The following DOCK3 variants were observed in gnomAD, a reference collection of about 807,000 sequenced individuals.
DOCK3 encodes the protein dedicator of cytokinesis 3.
In DOCK3, 60 loss-of-function variants were observed where a neutral mutation model predicts 265.6. The observed-to-expected ratio is 0.23, with a 90% CI of 0.18 to 0.28. The LOEUF is 0.28. DOCK3 is among the 10% of genes least tolerant of loss of function. The pLI, the probability that DOCK3 is intolerant of heterozygous loss-of-function variation, is 1.00. For synonymous variants in DOCK3, 881 were observed against 938.0 expected, an observed-to-expected ratio of 0.94 and a Z score of 1.11; for missense variants, 1,981 against 2,594.3, an observed-to-expected ratio of 0.76 and a Z score of 5.14.
At chr3:50,821,140 C>CTTTTTTTT (rs771111717) in intron 2 of DOCK3, among the ~76,000 whole-genome samples, 143 of 119,358 alleles carry the variant, frequency 1.2e-3, no homozygotes, top group African/African-American at 1.7e-3. Flanking sequence ...TTTCTTTTTT[C>CTTTTTTTT]TTTTTTTTTT....
At chr3:50,719,760 G>C in intron 1 of DOCK3, 2 of 1,052,978 alleles carry the variant, frequency 1.9e-6, no homozygotes, top group South Asian at 2.5e-5. Context: ...CTTGCCACCA[G>C]TGCCATTATG....
chr3:51,222,473 A>AT (rs1336716328), intron 14 of DOCK3, among the ~76,000 whole-genome samples: 1 of 152,208 alleles, frequency 6.6e-6, no homozygotes, highest in African/African-American at 2.4e-5. Context: ...GGAGAGCTTG[A>AT]TTGAAGTGAT....
At chr3:50,761,019 A>G (rs1043389442) in intron 1 of DOCK3, among the ~76,000 whole-genome samples, 3 of 152,088 alleles carry the variant, frequency 2.0e-5, no homozygotes, top group Non-Finnish European at 4.4e-5. Flanking sequence ...TGACCTCGTG[A>G]TCTGCCTGCC....
intron 9 of DOCK3, among the ~76,000 whole-genome samples, chr3:51,138,643 A>G (rs1209883063): frequency 6.6e-6 from 1 of 152,192 alleles, no homozygotes; most frequent in Non-Finnish European, 1.5e-5. Flanking sequence ...GTCCCTCCAA[A>G]TAGTACCCTG....
chr3:51,360,619 A>C lies in DOCK3; in HGVS notation c.4993A>C (p.Thr1665Pro). Reference protein sequence around the residue: ...SPMSPESIKMTHRHSPMNLMG... With the variant: ...SPMSPESIKMPHRHSPMNLMG... Reference sequence around the variant, plus strand: ...CATGAGTCCGGAGAGCATCAAGATGACCCACCGGCACAGGTATGGCCTTAG... The same window carrying C: ...CATGAGTCCGGAGAGCATCAAGATGCCCCACCGGCACAGGTATGGCCTTAG... Residue 1665 changes from threonine to proline, a missense_variant, in exon 47 of 53, where the codon ACC (threonine) becomes CCC (proline). This residue lies in a region of DOCK3 where 1,357 missense variants were observed against 1,866.8 expected (regional missense o/e 0.73). Transcript: ENST00000266037. 1 of 1,613,842 alleles carries C rather than the reference A, an allele frequency of 6.2e-7. No individual in the cohort carries two copies. Among genetic ancestry groups the C allele is most frequent in the Middle Eastern group, 1.7e-4 (1 of 6,060 alleles).
intron 4 of DOCK3, among the ~76,000 whole-genome samples, chr3:50,920,776 C>G (rs1464897188): frequency 6.6e-6 from 1 of 152,084 alleles, no homozygotes; most frequent in Non-Finnish European, 1.5e-5. Context: ...TTAGTTATTT[C>G]TTGCCTTCTG....
chr3:50,999,773 T>C (rs2078409658), intron 5 of DOCK3, among the ~76,000 whole-genome samples: 1 of 152,202 alleles, frequency 6.6e-6, no homozygotes, highest in Non-Finnish European at 1.5e-5. Flanking sequence ...TAGACCAAAA[T>C]GATTAAGGTC....
chr3:50,735,150 C>T (rs1408254938), intron 1 of DOCK3, among the ~76,000 whole-genome samples: 1 of 152,026 alleles, frequency 6.6e-6, no homozygotes, highest in Non-Finnish European at 1.5e-5. Context: ...TTCTCCTGGT[C>T]TGCAAGGTGT....
At chr3:50,924,001 TTTTGTTTG>T (rs546663807) in intron 4 of DOCK3, among the ~76,000 whole-genome samples, 18 of 152,258 alleles carry the variant, frequency 1.2e-4, no homozygotes, top group African/African-American at 4.3e-4. Context: ...CTGCTGCTGT[TTTTGTTTG>T]TTTGTTTGTT....
intron 5 of DOCK3, among the ~76,000 whole-genome samples, chr3:51,041,865 C>T (rs1305329259): frequency 1.3e-5 from 2 of 152,050 alleles, no homozygotes; most frequent in Non-Finnish European, 2.9e-5. Flanking sequence ...ATGAACATTG[C>T]CTTCAACTTA....
At chr3:50,699,381 A>G (rs1318960129) in intron 1 of DOCK3, among the ~76,000 whole-genome samples, 6 of 151,008 alleles carry the variant, frequency 4.0e-5, no homozygotes, top group Non-Finnish European at 7.4e-5. Context: ...TTTCAATATT[A>G]TTTTGGCTAT....
intron 1 of DOCK3, among the ~76,000 whole-genome samples, chr3:50,715,758 G>C (rs2037067560): frequency 6.6e-6 from 1 of 152,104 alleles, no homozygotes; most frequent in South Asian, 2.1e-4. Flanking sequence ...GATGGGACTA[G>C]ATGATGAGAT....
At chr3:50,763,279 T>G (rs2040643650) in intron 1 of DOCK3, among the ~76,000 whole-genome samples, 1 of 152,150 alleles carries the variant, frequency 6.6e-6, no homozygotes, top group Non-Finnish European at 1.5e-5. Context: ...TTCTATTTCT[T>G]CTTTTTTATT....
At chr3:50,792,761 A>G (rs2042546690) in intron 2 of DOCK3, among the ~76,000 whole-genome samples, 1 of 152,216 alleles carries the variant, frequency 6.6e-6, no homozygotes, top group Admixed American at 6.5e-5. Context: ...CGTTAGAGCA[A>G]TCTTGCATTC....
chr3:50,690,368 A>C (rs961614747), intron 1 of DOCK3, among the ~76,000 whole-genome samples: 14 of 151,882 alleles, frequency 9.2e-5, no homozygotes, highest in African/African-American at 3.4e-4. Flanking sequence ...CCTTGGCCTC[A>C]AGAGACCCTT....
At chr3:50,932,639 C>G (rs979469229) in intron 4 of DOCK3, among the ~76,000 whole-genome samples, 1 of 152,098 alleles carries the variant, frequency 6.6e-6, no homozygotes, top group Non-Finnish European at 1.5e-5. Flanking sequence ...CCCAGTCATA[C>G]CAGCTTTTTT....
At chr3:51,055,930 A>G (rs534759465) in intron 5 of DOCK3, among the ~76,000 whole-genome samples, 2 of 152,300 alleles carry the variant, frequency 1.3e-5, no homozygotes, top group South Asian at 4.1e-4. Flanking sequence ...TGGAGGATGT[A>G]TTTGGGCTGG....
At chr3:50,692,724 T>G (rs1173401548) in intron 1 of DOCK3, among the ~76,000 whole-genome samples, 3 of 152,232 alleles carry the variant, frequency 2.0e-5, no homozygotes, top group Non-Finnish European at 4.4e-5. Flanking sequence ...TGCATGAAAG[T>G]TTTAAGTTTG....
At chr3:51,379,462 C>T (rs1002075820) in intron 51 of DOCK3, 4 of 985,352 alleles carry the variant, frequency 4.1e-6, no homozygotes, top group Non-Finnish European at 4.8e-6. Context: ...TGCCAGCAGC[C>T]CCCAGCAGCT....
Sources: gnomAD v4.1 joint callset for allele counts (sites outside exome capture counted in the v4.1 genomes callset) on GRCh38, gnomAD v4.1.1 for gene constraint, gnomAD v4.1.1 regional missense constraint, MANE v1.5 for transcripts, NCBI Gene and HGNC (gene_info 2026-07-23, HGNC 2026-07-21) for gene names.